TRIM5: variants seen among roughly 807,000 people sequenced by gnomAD.
TRIM5 encodes tripartite motif-containing protein 5.
In TRIM5, 31 loss-of-function variants were observed where a neutral mutation model predicts 35.6. The ratio of observed to expected loss-of-function variants is 0.87; its 90% CI spans 0.65 to 1.18. The LOEUF (loss-of-function observed/expected upper bound fraction) is 1.18. Ranked by LOEUF, TRIM5 falls within the 50% of genes most tolerant of loss-of-function variation. The pLI is 0.00. For missense variants in TRIM5, 609 were observed against 591.6 expected, an observed-to-expected ratio of 1.03 and a Z score of -0.31; for synonymous variants, 243 against 215.6, an observed-to-expected ratio of 1.13 and a Z score of -1.11.
At chr11:5,660,337 A>C (rs1342144357), downstream of TRIM5, among the ~76,000 whole-genome samples, 2 of 152,194 alleles carry the variant, frequency 1.3e-5, no homozygotes, top group Admixed American at 1.3e-4. Context: ...TGTTCTACCC[A>C]GTAACAACTG....
chr11:5,677,711 G>A (rs949978726), intron 4 of TRIM5, among the ~76,000 whole-genome samples: 5 of 152,136 alleles, frequency 3.3e-5, no homozygotes, highest in African/African-American at 9.7e-5. Context: ...TTACAGGCGT[G>A]AGCCACCGCG....
the TRIM5 span, among the ~76,000 whole-genome samples, chr11:5,617,614 G>A: frequency 1.4e-5 from 2 of 140,402 alleles, no homozygotes; most frequent in African/African-American, 2.6e-5. Context: ...TCGGCCTCCC[G>A]AGTAGCTGGG....
chr11:5,609,924 A>AG, the TRIM5 span, among the ~76,000 whole-genome samples: 97 of 151,086 alleles, frequency 6.4e-4, no homozygotes, highest in South Asian at 2.1e-3. Context: ...CTCCTTCTCA[A>AG]AAAAAAAAGT....
chr11:5,655,687 C>T, the TRIM5 span: 1 of 985,294 alleles, frequency 1.0e-6, no homozygotes, highest in East Asian at 1.1e-4. Context: ...TTAGTGACGT[C>T]ATCTGGCATA....
chr11:5,601,279 A>C, the TRIM5 span, among the ~76,000 whole-genome samples: 1 of 152,196 alleles, frequency 6.6e-6, no homozygotes, highest in Admixed American at 6.5e-5. Flanking sequence ...GCACCCTGGA[A>C]AGGTTAGGTT....
chr11:5,636,888 T>G, the TRIM5 span, among the ~76,000 whole-genome samples: 5 of 152,334 alleles, frequency 3.3e-5, no homozygotes, highest in South Asian at 1.0e-3. Flanking sequence ...GGCTCACGCC[T>G]GTAATCCCAG....
At chr11:5,648,314 G>A in the TRIM5 span, among the ~76,000 whole-genome samples, 3 of 151,910 alleles carry the variant, frequency 2.0e-5, no homozygotes, top group African/African-American at 7.3e-5. Context: ...AGACCATCCT[G>A]GCTAACACGG....
the TRIM5 span, among the ~76,000 whole-genome samples, chr11:5,591,792 T>C: frequency 0.19 from 29,437 of 152,206 alleles, 2,972 homozygotes; most frequent in Middle Eastern, 0.31. Flanking sequence ...TGTGAGGTTC[T>C]TTCTTAATTC....
At chr11:5,610,457 C>A in the TRIM5 span, 1 of 1,610,226 alleles carries the variant, frequency 6.2e-7, no homozygotes, top group Admixed American at 1.7e-5. Context: ...CCATTCCCCT[C>A]AATGTAGTAA....
At chr11:5,646,971 C>A in the TRIM5 span, among the ~76,000 whole-genome samples, 23 of 152,232 alleles carry the variant, frequency 1.5e-4, no homozygotes, top group African/African-American at 5.5e-4. Context: ...GGTGCCTTAA[C>A]AAAACGATTT....
chr11:5,657,576 A>G, the TRIM5 span, among the ~76,000 whole-genome samples: 1 of 101,480 alleles, frequency 9.9e-6, no homozygotes, highest in Admixed American at 1.3e-4. Flanking sequence ...TTATTTATAT[A>G]TTATATATAA....
At chr11:5,601,576 G>A in the TRIM5 span, among the ~76,000 whole-genome samples, 1 of 152,050 alleles carries the variant, frequency 6.6e-6, no homozygotes, top group Non-Finnish European at 1.5e-5. Flanking sequence ...TGGCCAACAT[G>A]GTAAAACCCT....
the TRIM5 span, chr11:5,645,912 T>TATATATATATATATAG: frequency 6.2e-6 from 1 of 162,484 alleles, no homozygotes; most frequent in African/African-American, 2.8e-5. Context: ...TATAGATATA[T>TATATATATATATATAG]ATAGATATAT....
At position 5,679,063 on chromosome 11, in the gene TRIM5, C is replaced by T. The variant is rs202226339; in HGVS notation, c.513+11G>A. ...TTCTAGCTAACTCCTTCGGGAACCA[C>T]ATCCTCTTGCCTTCCAGGAAGCTTT... On this transcript the variant is annotated intron_variant, in intron 3 of 7. Transcript: ENST00000380034. 17 of 1,612,360 alleles carry T rather than the reference C, an allele frequency of 1.1e-5. No individual in the cohort carries two copies. Among genetic ancestry groups the T allele is most frequent in the South Asian group, 7.7e-5 (7 of 91,050 alleles).
At chr11:5,676,511 C>T (rs546469952) in intron 4 of TRIM5, among the ~76,000 whole-genome samples, 16 of 152,210 alleles carry the variant, frequency 1.1e-4, no homozygotes, top group South Asian at 4.1e-4. Flanking sequence ...GAATCAATAT[C>T]GTGAAAATGG....
the TRIM5 span, among the ~76,000 whole-genome samples, chr11:5,634,283 A>C: frequency 6.6e-6 from 1 of 152,050 alleles, no homozygotes; most frequent in Non-Finnish European, 1.5e-5. Context: ...TCTAGAAGCT[A>C]AGCCTTATGT....
chr11:5,653,117 G>A, the TRIM5 span, among the ~76,000 whole-genome samples: 3 of 152,176 alleles, frequency 2.0e-5, no homozygotes, highest in Admixed American at 2.0e-4. Flanking sequence ...CTCCCAAAGT[G>A]CTGGGATTAC....
chr11:5,639,679 CA>C, the TRIM5 span, among the ~76,000 whole-genome samples: 7,905 of 49,984 alleles, frequency 0.16, 76 homozygotes, highest in South Asian at 0.26. Flanking sequence ...GACTCTATTT[CA>C]AAAAAAAAAA....
the TRIM5 span, among the ~76,000 whole-genome samples, chr11:5,626,052 C>T: frequency 6.6e-6 from 1 of 152,168 alleles, no homozygotes; most frequent in African/African-American, 2.4e-5. Context: ...GCCATTCTGG[C>T]CTCTGCTCTC....
Sources: allele counts gnomAD v4.1 joint callset (sites outside exome capture counted in the v4.1 genomes callset), GRCh38; gene constraint gnomAD v4.1.1; transcripts MANE v1.5; gene names NCBI Gene and HGNC (gene_info 2026-07-23, HGNC 2026-07-21).